The following PLD5 variants were observed in gnomAD, a reference collection of about 807,000 sequenced individuals.
PLD5 encodes the protein inactive phospholipase D5.
A neutral mutation model predicts 61.1 loss-of-function variants in PLD5; 36 were observed. The ratio of observed to expected loss-of-function variants is 0.59; its 90% CI spans 0.45 to 0.78. The LOEUF is 0.78. PLD5 is among the 30% of genes least tolerant of loss of function. The pLI, the probability that PLD5 is intolerant of heterozygous loss-of-function variation, is 0.00. For synonymous variants in PLD5, 243 were observed against 242.8 expected, an observed-to-expected ratio of 1.00 and a Z score of -0.01; for missense variants, 515 against 644.4, an observed-to-expected ratio of 0.80 and a Z score of 2.17.
intron 3 of PLD5, among the ~76,000 whole-genome samples, 195 bp from the exon 4 acceptor site, chr1:242,265,643 ATTGCAC>A (rs1178036754): frequency 6.6e-6 from 1 of 152,214 alleles, no homozygotes; most frequent in Non-Finnish European, 1.5e-5. Context: ...ATGAACACAG[ATTGCAC>A]TTTTTGGGGG....
In PLD5 at chr1:242,087,316, C is replaced by T. The variant is rs536219805; in HGVS notation, c.*2538G>A. 6.6e-6 allele frequency: 1 copy of T among 152,112 alleles called. No individual in the cohort carries two copies. The highest frequency in any genetic ancestry group is 2.1e-4 in the South Asian group (1 of 4,818). 9.4% of individuals were successfully genotyped at this position (152,112 alleles called of 1,614,324 possible). A position where few individuals can be genotyped will look rare whatever the true frequency, so the allele number is the denominator to read the frequency against. ...CTCCTGGTGATAGCATTTTGCCAGG[C>T]CTCAAAAGGAAATGGCAATGATGGT... On this transcript the variant is annotated 3_prime_UTR_variant, in exon 10 of 10. Coordinates refer to ENST00000536534, the MANE Select transcript of PLD5 (RefSeq NM_001372062.1).
At chr1:242,435,012 T>C (rs10128076) in intron 1 of PLD5, among the ~76,000 whole-genome samples, 4,512 of 151,804 alleles carry the variant, frequency 0.03, 198 homozygotes, top group African/African-American at 0.095. Context: ...TAGCTATTTT[T>C]CCTGATGCTC....
At chr1:242,517,416 C>T (rs1669138409) in intron 1 of PLD5, among the ~76,000 whole-genome samples, 1 of 152,170 alleles carries the variant, frequency 6.6e-6, no homozygotes, top group African/African-American at 2.4e-5. Flanking sequence ...TCATCAAATC[C>T]TTTTTCTTCC....
chr1:242,271,620 G>A lies in PLD5; in HGVS notation c.496-6172C>T, dbSNP rs557349367. ...GCCCAAGAATCCTTTACACACTCAA[G>A]AATGTTACCTGCCAGGGTGAAAGAA... On this transcript the variant is annotated intron_variant, in intron 3 of 9. Transcript: ENST00000536534. 7.9e-4 allele frequency among the ~76,000 whole-genome samples: 120 copies of A among 152,050 alleles called. 3 individuals carry two copies. The South Asian group carries it at 0.023, about 29-fold the overall frequency.
chr1:242,102,349 G>C (rs916854479), intron 8 of PLD5, among the ~76,000 whole-genome samples: 17 of 152,160 alleles, frequency 1.1e-4, no homozygotes, highest in African/African-American at 4.1e-4. Flanking sequence ...CCCTTAAGAG[G>C]GGAAACAGCT....
rs116557987 is a variant in PLD5 at position 242,473,145 on chromosome 1, C to A, written c.189+50943G>T. Among the ~76,000 whole-genome samples, 1,257 of 152,240 alleles carry A rather than the reference C, an allele frequency of 8.3e-3. 20 individuals carry two copies. Among genetic ancestry groups the A allele is most frequent in the African/African-American group, 0.029 (1,196 of 41,542 alleles). On this transcript the variant is annotated intron_variant, in intron 1 of 9. Coordinates refer to ENST00000536534, the MANE Select transcript of PLD5 (RefSeq NM_001372062.1). ...TAATCAGAGCCCCCAAAGGATAATT[C>A]AATTAGCAATACATCACGGTGCTGC...
chr1:242,502,524 G>A (rs916348784), intron 1 of PLD5, among the ~76,000 whole-genome samples: 1 of 152,072 alleles, frequency 6.6e-6, no homozygotes, highest in African/African-American at 2.4e-5. Flanking sequence ...AACAAAACAT[G>A]CAACACTGTT....
intron 2 of PLD5, among the ~76,000 whole-genome samples, chr1:242,317,611 T>C (rs1479594590): frequency 6.6e-6 from 1 of 152,174 alleles, no homozygotes; most frequent in Non-Finnish European, 1.5e-5. Flanking sequence ...CTATTACTTG[T>C]TCAATCTCTT....
In PLD5 at chr1:242,295,000, C is replaced by T. The variant is rs568717084; in HGVS notation, c.327-6470G>A. 5.3e-5 allele frequency among the ~76,000 whole-genome samples: 8 copies of T among 152,216 alleles called. No individual in the cohort carries two copies. In the South Asian group the frequency reaches 1.0e-3, roughly 20 times the overall value. On this transcript the variant is annotated intron_variant, in intron 2 of 9. Transcript: ENST00000536534. ...AAAAGGTGCATGGCAGTCAATGCAC[C>T]GACATTCATTCTTTAGATCTTGATT...
intron 1 of PLD5, among the ~76,000 whole-genome samples, chr1:242,371,773 T>C (rs2880314): frequency 0.09 from 13,712 of 152,166 alleles, 654 homozygotes; most frequent in Middle Eastern, 0.11. Context: ...AGGCAATAGA[T>C]AATGAAATGC....
intron 1 of PLD5, among the ~76,000 whole-genome samples, chr1:242,487,075 G>T (rs1012110544): frequency 8.6e-5 from 13 of 151,266 alleles, no homozygotes; most frequent in South Asian, 6.3e-4. Context: ...GTGGCAGCAG[G>T]GGGGAGGGAT....
At chr1:242,380,851 T>C (rs2149255236) in intron 1 of PLD5, among the ~76,000 whole-genome samples, 1 of 152,266 alleles carries the variant, frequency 6.6e-6, no homozygotes, top group South Asian at 2.1e-4. Flanking sequence ...CAATGAGATG[T>C]CATCTCATGT....
At chr1:242,220,198 T>C in intron 4 of PLD5, 83 bp from the exon 5 acceptor site, 3 of 1,529,628 alleles carry the variant, frequency 2.0e-6, no homozygotes, top group Non-Finnish European at 1.8e-6. Context: ...GAAATATTCA[T>C]GGTTCACCAT....
At chr1:242,281,400 G>C (rs1674710649) in intron 3 of PLD5, among the ~76,000 whole-genome samples, 1 of 152,060 alleles carries the variant, frequency 6.6e-6, no homozygotes, top group Non-Finnish European at 1.5e-5. Flanking sequence ...ATGTTGCCAG[G>C]TCATATGGGT....
intron 4 of PLD5, among the ~76,000 whole-genome samples, chr1:242,249,511 A>T (rs552956080): frequency 5.8e-4 from 88 of 152,372 alleles, no homozygotes; most frequent in African/African-American, 2.1e-3. Context: ...AGAAAGTTAA[A>T]AGGGAGGGAG....
chr1:242,357,508 G>A lies in PLD5; in HGVS notation c.190-9266C>T, dbSNP rs182433991. On this transcript the variant is annotated intron_variant, in intron 1 of 9. Transcript: ENST00000536534. ...TTTTTTCTTTTTTTTTTTTTGAGAC[G>A]GAATTTTGCTCTTGTTGCCCAGGCT... Among the ~76,000 whole-genome samples the A allele has an allele frequency of 4.6e-3, 682 of 146,948 alleles. 5 individuals are homozygous for A. Among genetic ancestry groups the A allele is most frequent in the Admixed American group, 7.7e-3 (113 of 14,716 alleles).
At chr1:242,132,899 G>A (rs1663400308) in intron 5 of PLD5, among the ~76,000 whole-genome samples, 1 of 152,074 alleles carries the variant, frequency 6.6e-6, no homozygotes, top group Non-Finnish European at 1.5e-5. Context: ...CAGCAGAATA[G>A]GGTCTGGAGG....
rs1458597673 is a variant in PLD5, at chr1:242,256,561, T to C, written c.607+8776A>G. 4.6e-5 allele frequency among the ~76,000 whole-genome samples: 7 copies of C among 152,278 alleles called. No individual in the cohort carries two copies. In the South Asian group the frequency reaches 1.2e-3, roughly 27 times the overall value. On this transcript the variant is annotated intron_variant, in intron 4 of 9. Transcript: ENST00000536534. The surrounding 1 kb of genome is among the most constrained non-coding windows in gnomAD (Gnocchi z 5.7). Reference sequence around the variant, plus strand: ...CCGCCACGTGAGGACACAGCGTTTGTTCCCTCTGGGGGATGCAGTAACAAG... The same window carrying C: ...CCGCCACGTGAGGACACAGCGTTTGCTCCCTCTGGGGGATGCAGTAACAAG...
rs575804068 is a variant in PLD5 at position 242,501,713 on chromosome 1, G to GA, written c.189+22374dup. Among the ~76,000 whole-genome samples, 687 of 151,198 alleles carry GA rather than the reference G, an allele frequency of 4.5e-3. 6 individuals carry two copies. The highest frequency in any genetic ancestry group is 0.016 in the African/African-American group (654 of 41,258). On this transcript the variant is annotated intron_variant, in intron 1 of 9. Coordinates refer to ENST00000536534, the MANE Select transcript of PLD5 (RefSeq NM_001372062.1). ...AGCTTTACAATGCATTCTATGGCTG[G>GA]AAAAAAATAGATTTAAAAGACATAC...
Sources: allele counts gnomAD v4.1 joint callset (sites outside exome capture counted in the v4.1 genomes callset), GRCh38; gene constraint gnomAD v4.1.1; non-coding constraint Gnocchi (gnomAD v3.1); transcripts MANE v1.5; gene names NCBI Gene and HGNC (gene_info 2026-07-23, HGNC 2026-07-21).